ACTR3B: variants seen among roughly 807,000 people sequenced by gnomAD.
ACTR3B encodes the protein actin related protein 3B.
Under a neutral mutation model 59.0 loss-of-function variants are expected in ACTR3B, and 8 were observed. The ratio of observed to expected loss-of-function variants is 0.14; its 90% CI spans 0.08 to 0.24. The LOEUF (loss-of-function observed/expected upper bound fraction) is 0.24. Ranked by LOEUF, ACTR3B falls within the 10% of genes least tolerant of loss-of-function variation. ACTR3B has a pLI of 1.00. For synonymous variants in ACTR3B, 148 were observed against 197.9 expected (o/e 0.75, Z 2.12); for missense variants, 245 against 552.3 (o/e 0.44, Z 5.58).
intron 1 of ACTR3B, among the ~76,000 whole-genome samples, chr7:152,770,081 T>C (rs906457274): frequency 6.6e-6 from 1 of 152,260 alleles, no homozygotes; most frequent in African/African-American, 2.4e-5. Flanking sequence ...ATATGTCTTA[T>C]ATCCTTTTCA....
chr7:152,821,455 G>A (rs1187105272), intron 7 of ACTR3B, among the ~76,000 whole-genome samples: 3 of 150,836 alleles, frequency 2.0e-5, no homozygotes, highest in Non-Finnish European at 4.4e-5. Context: ...GCGAGATCTC[G>A]TCTCTATTTC....
chr7:152,803,081 C>G (rs186926074), intron 4 of ACTR3B, among the ~76,000 whole-genome samples: 4 of 152,280 alleles, frequency 2.6e-5, no homozygotes, highest in African/African-American at 4.8e-5. Context: ...GGATCTTGCT[C>G]TGTTGTCCAG....
intron 4 of ACTR3B, among the ~76,000 whole-genome samples, chr7:152,803,283 A>C (rs1208624531): frequency 6.6e-6 from 1 of 152,126 alleles, no homozygotes; most frequent in Non-Finnish European, 1.5e-5. Context: ...CCTGGGCTTA[A>C]GTGATCCTCC....
chr7:152,834,935 G>C (rs560537210), intron 9 of ACTR3B, among the ~76,000 whole-genome samples: 3 of 152,190 alleles, frequency 2.0e-5, no homozygotes, highest in Non-Finnish European at 2.9e-5. Context: ...AATGACTGTG[G>C]GCTGGTGTCC....
In ACTR3B at chr7:152,807,152, A is replaced by G. The variant is rs1790254874; in HGVS notation, c.336+5421A>G. On this transcript the variant is annotated intron_variant, in intron 4 of 11. Coordinates refer to ENST00000256001, the MANE Select transcript of ACTR3B (RefSeq NM_020445.6). ...GTTTGTGTGATCTTGCCCCACAGCC[A>G]TAACTCGGAGTTTAACACTTCACAT... 5.9e-5 allele frequency among the ~76,000 whole-genome samples: 9 copies of G among 152,324 alleles called. 1 individual carries two copies. In the Middle Eastern group the frequency reaches 0.014, roughly 230 times the overall value.
At position 152,854,521 on chromosome 7, in the gene ACTR3B, C is replaced by T. The variant is rs1184102995; in HGVS notation, c.1225C>T (p.Arg409Cys). 5.0e-6 allele frequency: 8 copies of T among 1,614,072 alleles called. No homozygotes were observed. Among genetic ancestry groups the T allele is most frequent in the South Asian group, 1.1e-5 (1 of 91,062 alleles). The change falls in exon 12 of 12, where the codon CGC (arginine) becomes TGC (cysteine). Residue 409 changes from arginine (R) to cysteine (C), a missense_variant. This residue lies in a region of ACTR3B where 153 missense variants were observed against 266.2 expected (regional missense o/e 0.57). Coordinates refer to ENST00000256001, the MANE Select transcript of ACTR3B (RefSeq NM_020445.6). This position sits in a 1 kb window ranked among gnomAD's most constrained non-coding sequence, Gnocchi z 4.9. ...DYEEYGPSIC[R>C]HNPVFGVMS ...TGAAGAGTACGGGCCCAGCATCTGC[C>T]GCCACAACCCCGTCTTTGGAGTCAT...
At chr7:152,812,814 G>T (rs891031627) in intron 4 of ACTR3B, 2 of 133,402 alleles carry the variant, frequency 1.5e-5, no homozygotes, top group Middle Eastern at 3.8e-3. Flanking sequence ...TTTCCCTGTC[G>T]TAGGGGTGTA....
chr7:152,773,451 G>A (rs1034216468), intron 1 of ACTR3B, among the ~76,000 whole-genome samples: 4 of 152,116 alleles, frequency 2.6e-5, no homozygotes, highest in East Asian at 1.9e-4. Flanking sequence ...GCTGGGTGTG[G>A]TGGTGGATGC....
intron 6 of ACTR3B, among the ~76,000 whole-genome samples, chr7:152,819,350 T>C (rs1164338231): frequency 2.6e-5 from 4 of 152,238 alleles, no homozygotes; most frequent in Non-Finnish European, 5.9e-5. Flanking sequence ...CTGTCTCACT[T>C]GGGGACTGTG....
In ACTR3B at chr7:152,767,787, A is replaced by G. The variant is rs985920782; in HGVS notation, c.44+7861A>G. On this transcript the variant is annotated intron_variant, in intron 1 of 11. Coordinates refer to ENST00000256001, the MANE Select transcript of ACTR3B (RefSeq NM_020445.6). Reference sequence around the variant, plus strand: ...TATCTTGTTTTTCTTGAATATATGAAGATTGTTAGTTTTTTCATTCCTAGA... The same window carrying G: ...TATCTTGTTTTTCTTGAATATATGAGGATTGTTAGTTTTTTCATTCCTAGA... Among the ~76,000 whole-genome samples, 5 of 151,940 alleles carry G rather than the reference A, an allele frequency of 3.3e-5. No individual in the cohort carries two copies. The East Asian group carries it at 5.8e-4, about 18-fold the overall frequency.
intron 9 of ACTR3B, among the ~76,000 whole-genome samples, chr7:152,832,280 GT>G (rs1002210197): frequency 1.3e-5 from 2 of 152,220 alleles, no homozygotes; most frequent in Non-Finnish European, 2.9e-5. Context: ...ACTAGGTCTA[GT>G]TTGGTGGAGA....
rs551107449 is a variant in ACTR3B at position 152,829,967 on chromosome 7, C to T, written c.951+4845C>T. ...GGATTTAAGTATGTACGAGATGATT[C>T]GGTTCTTGCCTTCAAGAGCTTATAA... On this transcript the variant is annotated intron_variant, in intron 9 of 11. Transcript: ENST00000256001. 4.6e-5 allele frequency among the ~76,000 whole-genome samples: 7 copies of T among 152,290 alleles called. No homozygotes were observed. The East Asian group carries it at 5.8e-4, about 13-fold the overall frequency.
chr7:152,852,173 C>G lies in ACTR3B; in HGVS notation c.999C>G (p.Arg333=). 3 of 1,614,044 alleles carry G rather than the reference C, an allele frequency of 1.9e-6. No individual in the cohort carries two copies. In the South Asian group the frequency reaches 3.3e-5, roughly 18 times the overall value. The change falls in exon 10 of 12, where the codon CGC becomes CGG. Residue 333 remains arginine, a synonymous_variant. Coordinates refer to ENST00000256001, the MANE Select transcript of ACTR3B (RefSeq NM_020445.6). ...CCACCATGTTCAGGGATTTCGGACG[C>G]CGACTGCAGAGGGATTTGAAGAGAG... ...GGSTMFRDFG[R]RLQRDLKRVV... is the part of the protein sequence containing the mutation.
chr7:152,768,642 A>G (rs1000646620), intron 1 of ACTR3B, among the ~76,000 whole-genome samples: 1 of 151,902 alleles, frequency 6.6e-6, no homozygotes, highest in Non-Finnish European at 1.5e-5. Flanking sequence ...ACGCCCAGCT[A>G]ATTTTTTATA....
chr7:152,804,669 A>G (rs1369355131), intron 4 of ACTR3B, among the ~76,000 whole-genome samples: 1 of 152,234 alleles, frequency 6.6e-6, no homozygotes, highest in Admixed American at 6.5e-5. Flanking sequence ...AAAACCACCC[A>G]TGAAAATCCT....
At chr7:152,785,438 AGGGGGAG>A (rs2098169592) in intron 2 of ACTR3B, among the ~76,000 whole-genome samples, 1 of 1,190 alleles carries the variant, frequency 8.4e-4, no homozygotes, top group Admixed American at 0.01. Context: ...AGAGAGGGGG[AGGGGGAG>A]GGGGGAGAGG....
chr7:152,828,737 G>C (rs552108528), intron 9 of ACTR3B, among the ~76,000 whole-genome samples: 103 of 152,134 alleles, frequency 6.8e-4, no homozygotes, highest in African/African-American at 1.8e-3. Context: ...CGGGTAAGAC[G>C]CTCACTCTCC....
intron 9 of ACTR3B, among the ~76,000 whole-genome samples, chr7:152,831,817 G>C (rs983033934): frequency 1.3e-5 from 2 of 152,162 alleles, no homozygotes; most frequent in Non-Finnish European, 2.9e-5. Flanking sequence ...ATGCGCTTGG[G>C]GCCAGATTAC....
At chr7:152,811,938 C>A (rs180846432) in intron 4 of ACTR3B, 2 of 138,382 alleles carry the variant, frequency 1.4e-5, no homozygotes, top group African/African-American at 5.1e-5. Flanking sequence ...TTTCCTTGTG[C>A]ACTGCTCAAC....
Sources: allele counts gnomAD v4.1 joint callset (sites outside exome capture counted in the v4.1 genomes callset), GRCh38; gene constraint gnomAD v4.1.1; regional missense constraint gnomAD v4.1.1; non-coding constraint Gnocchi (gnomAD v3.1); transcripts MANE v1.5; gene names NCBI Gene and HGNC (gene_info 2026-07-23, HGNC 2026-07-21).